The following RORA variants were observed in gnomAD, a reference collection of about 807,000 sequenced individuals.
RORA encodes nuclear receptor ROR-alpha.
Under a neutral mutation model 69.5 loss-of-function variants are expected in RORA, and 7 were observed. The observed-to-expected ratio is 0.10, with a 90% CI of 0.06 to 0.19. The LOEUF is 0.19. RORA is among the 10% of genes least tolerant of loss of function. RORA has a pLI of 1.00. For synonymous variants in RORA, 261 were observed against 240.8 expected (o/e 1.08, Z -0.78); for missense variants, 457 against 663.0 (o/e 0.69, Z 3.41).
At chr15:60,698,231 A>T (rs1034591476) in intron 1 of RORA, among the ~76,000 whole-genome samples, 1 of 152,096 alleles carries the variant, frequency 6.6e-6, no homozygotes, top group Non-Finnish European at 1.5e-5. Flanking sequence ...ATGCTGTGGG[A>T]GTGTGCAGGC....
chr15:60,898,766 CT>C, intron 1 of RORA, among the ~76,000 whole-genome samples: 1 of 152,084 alleles, frequency 6.6e-6, no homozygotes, highest in Non-Finnish European at 1.5e-5. Context: ...TGCATTCTGG[CT>C]TTTTTGGTTT....
chr15:61,089,707 G>A (rs1300509867), intron 1 of RORA, among the ~76,000 whole-genome samples: 2 of 152,262 alleles, frequency 1.3e-5, no homozygotes, highest in African/African-American at 4.8e-5. Flanking sequence ...TTTTGTGTGC[G>A]TGGTGGAGAA....
At chr15:60,901,612 A>C (rs1891396018) in intron 1 of RORA, among the ~76,000 whole-genome samples, 1 of 152,206 alleles carries the variant, frequency 6.6e-6, no homozygotes, top group Non-Finnish European at 1.5e-5. Context: ...TTTCTGAAAA[A>C]AAGAATACAC....
At chr15:60,505,330 G>A (rs891102684) in intron 6 of RORA, among the ~76,000 whole-genome samples, 178 bp downstream of exon 6, 1 of 152,184 alleles carries the variant, frequency 6.6e-6, no homozygotes, top group African/African-American at 2.4e-5. Context: ...CTGAAATTTT[G>A]CATCTGAGTT....
intron 1 of RORA, among the ~76,000 whole-genome samples, chr15:61,112,450 G>A (rs2079015358): frequency 6.6e-6 from 1 of 152,086 alleles, no homozygotes; most frequent in African/African-American, 2.4e-5. Flanking sequence ...CTCCCCCAGG[G>A]GGAGTGGCAT....
intron 1 of RORA, among the ~76,000 whole-genome samples, chr15:61,057,600 C>T (rs2078113801): frequency 6.6e-6 from 1 of 152,210 alleles, no homozygotes; most frequent in African/African-American, 2.4e-5. Flanking sequence ...CTTGCACCCC[C>T]ACACTCAGTG....
At chr15:60,963,301 G>A (rs539863187) in intron 1 of RORA, among the ~76,000 whole-genome samples, 39 of 152,354 alleles carry the variant, frequency 2.6e-4, no homozygotes, top group African/African-American at 8.9e-4. Flanking sequence ...GATGGTGCAG[G>A]GGAGCCCCTG....
In RORA at chr15:60,541,426, A is replaced by G. The variant is rs76377013; in HGVS notation, c.197-9575T>C. ...CTTGTTTCTGACTTTCCCTAAATGC[A>G]TGGTCTTTAAACTTGCTGATTAAAG... On this transcript the variant is annotated intron_variant, in intron 2 of 10. Transcript: ENST00000335670. Among the ~76,000 whole-genome samples the G allele has an allele frequency of 9.0e-3, 1,375 of 152,358 alleles. 11 individuals carry two copies. The highest frequency in any genetic ancestry group is 0.03 in the African/African-American group (1,247 of 41,588).
intron 1 of RORA, among the ~76,000 whole-genome samples, chr15:60,987,236 G>T (rs1894232089): frequency 6.6e-6 from 1 of 152,106 alleles, no homozygotes; most frequent in Non-Finnish European, 1.5e-5. Flanking sequence ...TTATTGTTGG[G>T]CACGTCATTC....
At chr15:60,749,666 G>GA (rs1454412400) in intron 1 of RORA, among the ~76,000 whole-genome samples, 1 of 152,124 alleles carries the variant, frequency 6.6e-6, no homozygotes, top group Non-Finnish European at 1.5e-5. Context: ...ATGATGGAGA[G>GA]AAACTCTGTT....
chr15:61,216,030 A>T (rs1291591661), intron 1 of RORA, among the ~76,000 whole-genome samples: 2 of 152,220 alleles, frequency 1.3e-5, no homozygotes, highest in African/African-American at 2.4e-5. Flanking sequence ...GCAGTATATC[A>T]AAACTAAAAC....
At chr15:60,734,083 T>C (rs940588722) in intron 1 of RORA, among the ~76,000 whole-genome samples, 3 of 152,156 alleles carry the variant, frequency 2.0e-5, no homozygotes, top group Non-Finnish European at 4.4e-5. Context: ...TAATCCTTCA[T>C]CAGCCTCTTG....
intron 1 of RORA, among the ~76,000 whole-genome samples, chr15:60,858,863 G>A (rs1438218630): frequency 6.6e-6 from 1 of 152,002 alleles, no homozygotes; most frequent in Non-Finnish European, 1.5e-5. Flanking sequence ...TGCTTCTCCC[G>A]AATCCACATC....
At chr15:60,717,145 A>T (rs1335792148) in intron 1 of RORA, among the ~76,000 whole-genome samples, 3 of 152,088 alleles carry the variant, frequency 2.0e-5, no homozygotes, top group Non-Finnish European at 2.9e-5. Flanking sequence ...GTTAGAATTG[A>T]ATGGAAGGGT....
chr15:60,737,073 C>G (rs2071511194), intron 1 of RORA, among the ~76,000 whole-genome samples: 2 of 152,280 alleles, frequency 1.3e-5, no homozygotes. Flanking sequence ...CCTGCAGTGC[C>G]TTTATCCTGG....
chr15:60,838,894 T>C lies in RORA; in HGVS notation c.167-160208A>G, dbSNP rs1461262377. Among the ~76,000 whole-genome samples, 10 of 9,896 alleles carry C rather than the reference T, an allele frequency of 1.0e-3. No homozygotes were observed. In the East Asian group the frequency reaches 0.062, roughly 62 times the overall value. 6.5% of individuals were successfully genotyped at this position (9,896 alleles called of 152,430 possible). ...CACACACACACACACACACATATAC[T>C]TTTTTTTTTTTTCAGAGGGTGTCTC... On this transcript the variant is annotated intron_variant, in intron 1 of 10. Transcript: ENST00000335670.
At chr15:61,083,071 G>C (rs1286794322) in intron 1 of RORA, among the ~76,000 whole-genome samples, 2 of 152,160 alleles carry the variant, frequency 1.3e-5, no homozygotes, top group South Asian at 4.1e-4. Context: ...GACCACAAAA[G>C]CGTCCCTCTC....
At chr15:60,798,406 C>T (rs1224282914) in intron 1 of RORA, among the ~76,000 whole-genome samples, 1 of 152,050 alleles carries the variant, frequency 6.6e-6, no homozygotes, top group African/African-American at 2.4e-5. Flanking sequence ...GAATCAAGTA[C>T]TGAACTTGGA....
intron 1 of RORA, among the ~76,000 whole-genome samples, chr15:60,693,331 A>G (rs1368079009): frequency 1.3e-5 from 2 of 152,230 alleles, no homozygotes; most frequent in Admixed American, 6.5e-5. Flanking sequence ...TGACAAACCC[A>G]CAGACAATAT....
Sources: allele counts gnomAD v4.1 joint callset (sites outside exome capture counted in the v4.1 genomes callset), GRCh38; gene constraint gnomAD v4.1.1; transcripts MANE v1.5; gene names NCBI Gene and HGNC (gene_info 2026-07-23, HGNC 2026-07-21).